The following ARHGAP15 variants were observed in gnomAD, a reference collection of about 807,000 sequenced individuals.
ARHGAP15 encodes the protein rho GTPase-activating protein 15.
In ARHGAP15, 51 loss-of-function variants were observed where a neutral mutation model predicts 63.7. That is an observed-to-expected ratio of 0.80 (90% CI 0.64 to 1.01). ARHGAP15 has a LOEUF of 1.01. ARHGAP15 is among the 50% of genes least tolerant of loss of function. The probability of loss-of-function intolerance (pLI) is 0.00; values close to 1 mark genes in which losing one functional copy is unlikely to be tolerated. For synonymous variants in ARHGAP15, 191 were observed against 193.8 expected (o/e 0.99, Z 0.12); for missense variants, 560 against 564.6 (o/e 0.99, Z 0.08).
chr2:143,751,152 T>G (rs150902955), intron 13 of ARHGAP15, among the ~76,000 whole-genome samples: 1 of 152,312 alleles, frequency 6.6e-6, no homozygotes, highest in East Asian at 1.9e-4. Flanking sequence ...AGTCAAACTA[T>G]GACATTGGGC....
intron 13 of ARHGAP15, among the ~76,000 whole-genome samples, chr2:143,722,769 G>A (rs1188340015): frequency 1.3e-5 from 2 of 152,198 alleles, no homozygotes; most frequent in Admixed American, 1.3e-4. Flanking sequence ...AAAACCAAGA[G>A]GGAACCAGGA....
chr2:143,767,025 G>A (rs1364144682), intron 13 of ARHGAP15: 3 of 152,090 alleles, frequency 2.0e-5, no homozygotes, highest in African/African-American at 7.2e-5. Context: ...CCTTTGCTTT[G>A]CTTTATTTTC....
intron 8 of ARHGAP15, among the ~76,000 whole-genome samples, chr2:143,444,042 A>G (rs1034323489): frequency 1.3e-4 from 20 of 152,148 alleles, no homozygotes; most frequent in Non-Finnish European, 1.5e-4. Context: ...CGTGTATCTC[A>G]TAGCATCAGC....
intron 6 of ARHGAP15, among the ~76,000 whole-genome samples, chr2:143,371,338 G>A (rs1428316794): frequency 7.2e-5 from 11 of 152,146 alleles, no homozygotes; most frequent in Admixed American, 6.5e-4. Context: ...AAATTGATGA[G>A]GACATCTTCT....
intron 10 of ARHGAP15, among the ~76,000 whole-genome samples, chr2:143,538,806 A>C (rs895383846): frequency 1.3e-5 from 2 of 152,150 alleles, no homozygotes; most frequent in Non-Finnish European, 2.9e-5. Flanking sequence ...GGATTTTTGC[A>C]CCAATGTTCA....
intron 6 of ARHGAP15, among the ~76,000 whole-genome samples, chr2:143,428,263 G>A (rs1419311129): frequency 6.6e-6 from 1 of 151,848 alleles, no homozygotes; most frequent in Admixed American, 6.6e-5. Flanking sequence ...GGACAGCTGG[G>A]GAACCAAAAA....
chr2:143,634,668 C>T (rs559725369), intron 12 of ARHGAP15, among the ~76,000 whole-genome samples: 2 of 152,172 alleles, frequency 1.3e-5, no homozygotes, highest in Non-Finnish European at 1.5e-5. Flanking sequence ...CGGCCATCTT[C>T]ATTCTGCTTT....
chr2:143,395,739 T>C (rs1015103685), intron 6 of ARHGAP15, among the ~76,000 whole-genome samples: 9 of 151,966 alleles, frequency 5.9e-5, no homozygotes, highest in African/African-American at 2.2e-4. Context: ...GGAGAAAGCA[T>C]GGCATATTTG....
chr2:143,470,961 A>G (rs543833676), intron 8 of ARHGAP15, among the ~76,000 whole-genome samples: 14 of 118,154 alleles, frequency 1.2e-4, no homozygotes, highest in African/African-American at 4.1e-4. Flanking sequence ...CATGTGTATC[A>G]TATGTGTGTA....
chr2:143,227,475 A>G (rs1252943768), intron 4 of ARHGAP15, among the ~76,000 whole-genome samples: 2 of 152,172 alleles, frequency 1.3e-5, no homozygotes, highest in Non-Finnish European at 2.9e-5. Context: ...GGTGAAATTT[A>G]TGAAAAATAT....
chr2:143,542,577 C>T (rs866012594), intron 10 of ARHGAP15, among the ~76,000 whole-genome samples: 15 of 146,886 alleles, frequency 1.0e-4, no homozygotes, highest in South Asian at 8.5e-4. Flanking sequence ...TGTGTGTGTG[C>T]ACATATATAT....
intron 6 of ARHGAP15, among the ~76,000 whole-genome samples, chr2:143,353,400 CA>C (rs1316740337): frequency 1.3e-5 from 2 of 152,236 alleles, no homozygotes; most frequent in African/African-American, 4.8e-5. Context: ...GCTTTTTTAG[CA>C]AAGTGGGAAA....
In ARHGAP15 at chr2:143,401,724, C is replaced by T. The variant is rs553691460; in HGVS notation, c.475-33877C>T. ...TATTTCTAATTACTTATACCATCCTCGTTTTAAATCCTGTGCAGATGTAAT... is the reference window on the plus strand; with the variant it reads ...TATTTCTAATTACTTATACCATCCTTGTTTTAAATCCTGTGCAGATGTAAT... On this transcript the variant is annotated intron_variant, in intron 6 of 13. Transcript: ENST00000295095. Among the ~76,000 whole-genome samples, 3 of 151,928 alleles carry T rather than the reference C, an allele frequency of 2.0e-5. No homozygotes were observed. The South Asian group carries it at 6.2e-4, about 32-fold the overall frequency.
intron 12 of ARHGAP15, among the ~76,000 whole-genome samples, chr2:143,658,221 G>C (rs1476202896): frequency 6.6e-6 from 1 of 152,060 alleles, no homozygotes; most frequent in African/African-American, 2.4e-5. Context: ...GCATTATCTT[G>C]TTTACTCTCT....
chr2:143,151,215 C>T (rs946468361), intron 1 of ARHGAP15, among the ~76,000 whole-genome samples: 3 of 151,886 alleles, frequency 2.0e-5, no homozygotes, highest in Non-Finnish European at 4.4e-5. Flanking sequence ...TCTTTTGAGT[C>T]GATGTTGAGC....
intron 13 of ARHGAP15, among the ~76,000 whole-genome samples, chr2:143,727,741 T>C (rs1685348034): frequency 6.6e-6 from 1 of 152,166 alleles, no homozygotes; most frequent in African/African-American, 2.4e-5. Flanking sequence ...CTACACAGCC[T>C]GGATTCAATA....
intron 5 of ARHGAP15, among the ~76,000 whole-genome samples, chr2:143,229,160 T>C (rs1241913631): frequency 6.6e-6 from 1 of 152,154 alleles, no homozygotes; most frequent in East Asian, 1.9e-4. Context: ...TCTAGCATGC[T>C]ATAAAGTGCT....
At position 143,634,737 on chromosome 2, in the gene ARHGAP15, C is replaced by A. The variant is rs181885843; in HGVS notation, c.1138+10470C>A. On this transcript the variant is annotated intron_variant, in intron 12 of 13. Transcript: ENST00000295095. ...AACATGTTTCATATGACAGGATATT[C>A]TCTTGCTTCGTGACCCAGGGATCCC... 3.5e-4 allele frequency among the ~76,000 whole-genome samples: 53 copies of A among 152,232 alleles called. No individual in the cohort carries two copies. In the East Asian group the frequency reaches 9.3e-3, roughly 27 times the overall value.
chr2:143,528,889 G>A (rs900286433), intron 10 of ARHGAP15, among the ~76,000 whole-genome samples: 1 of 152,086 alleles, frequency 6.6e-6, no homozygotes, highest in East Asian at 1.9e-4. Flanking sequence ...GTTTGGCCTA[G>A]AGTTTGACAG....
Sources: gnomAD v4.1 joint callset for allele counts (sites outside exome capture counted in the v4.1 genomes callset) on GRCh38, gnomAD v4.1.1 for gene constraint, MANE v1.5 for transcripts, NCBI Gene and HGNC (gene_info 2026-07-23, HGNC 2026-07-21) for gene names.